Variants in CCDC178 observed in about 807,000 individuals in gnomAD.
The protein encoded by CCDC178 is coiled-coil domain containing 178.
In CCDC178, 126 loss-of-function variants were observed where a neutral mutation model predicts 117.4. That is an observed-to-expected ratio of 1.07 (90% CI 0.93 to 1.24). CCDC178 has a LOEUF of 1.24. Ranked by LOEUF, CCDC178 falls within the 50% of genes most tolerant of loss-of-function variation. The probability of loss-of-function intolerance (pLI) is 0.00; values close to 1 mark genes in which losing one functional copy is unlikely to be tolerated. For missense variants in CCDC178, 1,030 were observed against 986.9 expected, an observed-to-expected ratio of 1.04 and a Z score of -0.59; for synonymous variants, 283 against 313.4, an observed-to-expected ratio of 0.90 and a Z score of 1.02.
rs147440996 is a variant in CCDC178, at chr18:33,187,562, T to G, written c.2238+24334A>C. ...AGGGATCAGATACAAAATGTGACCT[T>G]TAAGTATGCACCACATACATCAAAA... On this transcript the variant is annotated intron_variant, in intron 20 of 22. Coordinates refer to ENST00000383096, the MANE Select transcript of CCDC178 (RefSeq NM_001105528.4). Among the ~76,000 whole-genome samples the G allele has an allele frequency of 1.1e-3, 162 of 152,156 alleles. 2 individuals carry two copies. The highest frequency in any genetic ancestry group is 3.8e-3 in the African/African-American group (156 of 41,516).
Position 32,952,651 on chromosome 18 carries a change from G to T in CCDC178, c.2524-14560C>A, listed in dbSNP as rs113568507. On this transcript the variant is annotated intron_variant, in intron 22 of 22. Transcript: ENST00000383096. ...ATGCCCTGGAGACATTTTCCCCATT[G>T]TCTTGATGATTAACATTTGGCTCTT... Among the ~76,000 whole-genome samples, 50 of 152,008 alleles carry T rather than the reference G, an allele frequency of 3.3e-4. 1 individual carries two copies. The highest frequency in any genetic ancestry group is 3.2e-3 in the Middle Eastern group (1 of 316).
chr18:33,144,636 A>G (rs1194875592), intron 20 of CCDC178, among the ~76,000 whole-genome samples: 1 of 152,152 alleles, frequency 6.6e-6, no homozygotes, highest in Admixed American at 6.5e-5. Flanking sequence ...CTTATGCACT[A>G]CTTTCAATTA....
chr18:33,371,778 CAT>C (rs1308918383), intron 5 of CCDC178, among the ~76,000 whole-genome samples: 103 of 93,272 alleles, frequency 1.1e-3, no homozygotes, highest in African/African-American at 3.6e-3. Context: ...AGTTCATAAA[CAT>C]ATATACACAC....
intron 11 of CCDC178, among the ~76,000 whole-genome samples, chr18:33,322,915 A>C (rs1599160343): frequency 6.6e-6 from 1 of 151,404 alleles, no homozygotes; most frequent in East Asian, 1.9e-4. Context: ...ATAAATAAAA[A>C]TGCTATTACA....
At chr18:33,053,394 A>C (rs2056776957) in intron 21 of CCDC178, among the ~76,000 whole-genome samples, 1 of 152,238 alleles carries the variant, frequency 6.6e-6, no homozygotes, top group East Asian at 1.9e-4. Context: ...TGAGGGCTCC[A>C]TACTCAGAGG....
At chr18:33,148,648 T>C (rs572153639) in intron 20 of CCDC178, among the ~76,000 whole-genome samples, 1 of 152,292 alleles carries the variant, frequency 6.6e-6, no homozygotes, top group Non-Finnish European at 1.5e-5. Flanking sequence ...TTTTATTGTA[T>C]CCCATTTCCA....
At chr18:33,053,861 G>A (rs1356256969) in intron 21 of CCDC178, among the ~76,000 whole-genome samples, 1 of 152,048 alleles carries the variant, frequency 6.6e-6, no homozygotes, top group Non-Finnish European at 1.5e-5. Flanking sequence ...TTTTGAAATT[G>A]TATTTCTGTT....
At chr18:33,089,099 T>C (rs1238594421) in intron 21 of CCDC178, among the ~76,000 whole-genome samples, 3 of 152,062 alleles carry the variant, frequency 2.0e-5, no homozygotes, top group Non-Finnish European at 4.4e-5. Flanking sequence ...CCCAGAAAAT[T>C]ACTGAAAAAG....
chr18:33,261,296 G>GA (rs2144748024), intron 14 of CCDC178, among the ~76,000 whole-genome samples: 1 of 152,132 alleles, frequency 6.6e-6, no homozygotes, highest in Admixed American at 6.5e-5. Context: ...TGTTAGCCAG[G>GA]ATGGTCTCGA....
At chr18:32,974,752 G>T in intron 21 of CCDC178, 71 bp from the exon 22 acceptor site, 1 of 1,456,034 alleles carries the variant, frequency 6.9e-7, no homozygotes, top group Non-Finnish European at 9.5e-7. Context: ...TGTTCAAGAA[G>T]AATGATGGAG....
chr18:33,272,053 TA>T (rs1343224101), intron 12 of CCDC178, among the ~76,000 whole-genome samples: 1 of 151,258 alleles, frequency 6.6e-6, no homozygotes, highest in Admixed American at 6.6e-5. Flanking sequence ...AATTAATTTT[TA>T]AAAAACTACA....
intron 2 of CCDC178, among the ~76,000 whole-genome samples, chr18:33,436,231 AG>A (rs1295095738): frequency 6.6e-6 from 1 of 152,222 alleles, no homozygotes; most frequent in Non-Finnish European, 1.5e-5. Context: ...GACAAAGACT[AG>A]AAAAAATACA....
intron 6 of CCDC178, among the ~76,000 whole-genome samples, chr18:33,362,426 C>T (rs2063143561): frequency 6.6e-6 from 1 of 151,532 alleles, no homozygotes; most frequent in South Asian, 2.1e-4. Flanking sequence ...TGCAGAGATG[C>T]AGGTCAGAGG....
chr18:33,050,187 C>A (rs1393660888), intron 21 of CCDC178, among the ~76,000 whole-genome samples: 2 of 151,652 alleles, frequency 1.3e-5, no homozygotes, highest in Non-Finnish European at 2.9e-5. Context: ...TGAATCAAGC[C>A]TCTGTGGGAA....
chr18:33,113,554 T>TA (rs771650698), intron 20 of CCDC178, among the ~76,000 whole-genome samples: 2 of 151,940 alleles, frequency 1.3e-5, no homozygotes, highest in South Asian at 2.1e-4. Context: ...CATCACTAAT[T>TA]AAAATAGCAA....
intron 10 of CCDC178, among the ~76,000 whole-genome samples, chr18:33,325,834 T>A (rs2062577208): frequency 6.6e-6 from 1 of 152,212 alleles, no homozygotes; most frequent in Non-Finnish European, 1.5e-5. Flanking sequence ...AGTTTATTTG[T>A]TGAAGTACAA....
chr18:33,166,681 A>AT (rs1422538980), intron 20 of CCDC178, among the ~76,000 whole-genome samples: 1 of 152,174 alleles, frequency 6.6e-6, no homozygotes, highest in African/African-American at 2.4e-5. Context: ...ATACCTATTT[A>AT]TTTTCATGAC....
chr18:32,977,074 T>C (rs536462974), intron 21 of CCDC178, among the ~76,000 whole-genome samples: 2 of 152,266 alleles, frequency 1.3e-5, no homozygotes, highest in African/African-American at 4.8e-5. Flanking sequence ...CTTGTCAATG[T>C]GACTTATTTA....
intron 21 of CCDC178, among the ~76,000 whole-genome samples, chr18:33,080,109 A>T (rs535974751): frequency 1.5e-4 from 23 of 152,300 alleles, no homozygotes; most frequent in Admixed American, 1.2e-3. Flanking sequence ...AAAGAATGAG[A>T]TCATGTCTTT....
Sources: allele counts gnomAD v4.1 joint callset (sites outside exome capture counted in the v4.1 genomes callset), GRCh38; gene constraint gnomAD v4.1.1; transcripts MANE v1.5; gene names NCBI Gene and HGNC (gene_info 2026-07-23, HGNC 2026-07-21).